Variants in STYX observed in about 807,000 individuals in gnomAD.
STYX encodes serine/threonine/tyrosine-interacting protein.
STYX carries 20 observed loss-of-function variants against 42.7 expected under a neutral mutation model. The observed-to-expected ratio is 0.47, with a 90% confidence interval of 0.33 to 0.68. STYX has a LOEUF of 0.68. STYX is among the 30% of genes least tolerant of loss of function. The pLI is 0.02. For missense variants in STYX, 226 were observed against 268.5 expected, an observed-to-expected ratio of 0.84 and a Z score of 1.11; for synonymous variants, 78 against 81.9, an observed-to-expected ratio of 0.95 and a Z score of 0.26.
At chr14:52,765,062 A>T (rs886849840) in intron 9 of STYX, among the ~76,000 whole-genome samples, 1 of 152,220 alleles carries the variant, frequency 6.6e-6, no homozygotes, top group African/African-American at 2.4e-5. Context: ...TAGTTCATGG[A>T]AACTATATTC....
At chr14:52,732,735 A>T (rs892761296) in intron 1 of STYX, among the ~76,000 whole-genome samples, 1 of 151,934 alleles carries the variant, frequency 6.6e-6, no homozygotes, top group Non-Finnish European at 1.5e-5. Flanking sequence ...CAGTGGCGTG[A>T]TCTCCGCTCA....
chr14:52,770,490 C>G (rs1189392575), intron 10 of STYX, among the ~76,000 whole-genome samples: 1 of 152,046 alleles, frequency 6.6e-6, no homozygotes, highest in Non-Finnish European at 1.5e-5. Context: ...GATTTCTGTA[C>G]TAGCAGATGC....
Position 52,752,882 on chromosome 14 carries a change from G to GT in STYX, c.242+2118dup, listed in dbSNP as rs1382888369. On this transcript the variant is annotated intron_variant, in intron 4 of 10. Coordinates refer to ENST00000354586, the MANE Select transcript of STYX (RefSeq NM_145251.4). ...AATTTTGTTTTTTTTTGTTGTTGTT[G>GT]TTTTTTTTTTTTTTTTGAGATGGAG... Among the ~76,000 whole-genome samples the GT allele has an allele frequency of 8.6e-3, 432 of 50,104 alleles. 1 individual carries two copies. The highest frequency in any genetic ancestry group is 0.03 in the South Asian group (34 of 1,130). The allele number at this position is 50,104 out of a possible 152,430, so 32.9% of individuals were successfully genotyped here. A position where few individuals can be genotyped will look rare whatever the true frequency, so the allele number is the denominator to read the frequency against.
intron 5 of STYX, 72 bp from the exon 6 acceptor site, chr14:52,757,247 A>G (rs920626683): frequency 6.6e-6 from 8 of 1,218,902 alleles, no homozygotes; most frequent in South Asian, 3.1e-5. Flanking sequence ...ATTGTTTTCA[A>G]TAGGTTTCAT....
intron 9 of STYX, among the ~76,000 whole-genome samples, chr14:52,767,197 A>G (rs1882336241): frequency 6.6e-6 from 1 of 152,232 alleles, no homozygotes; most frequent in Admixed American, 6.5e-5. Flanking sequence ...AGGTAGAGGA[A>G]TAAGTGTAAG....
At chr14:52,766,291 C>T (rs961265017) in intron 9 of STYX, among the ~76,000 whole-genome samples, 2 of 152,112 alleles carry the variant, frequency 1.3e-5, no homozygotes, top group Admixed American at 6.5e-5. Context: ...CTCAGTCTCC[C>T]AAGTTGCCAG....
intron 1 of STYX, among the ~76,000 whole-genome samples, chr14:52,736,877 G>T (rs1467930369): frequency 6.6e-6 from 1 of 152,282 alleles, no homozygotes; most frequent in African/African-American, 2.4e-5. Flanking sequence ...TTTTATTTGA[G>T]TGAAACATTT....
chr14:52,771,247 T>C lies in STYX; in HGVS notation c.*141T>C, dbSNP rs1189626819. ...CTTCCAGACATACTTCTCTGCAACT[T>C]GTTGAGCAACATTTTAAGATGTTGG... On this transcript the variant is annotated 3_prime_UTR_variant, in exon 11 of 11. Transcript: ENST00000354586. 4.5e-6 allele frequency: 3 copies of C among 668,214 alleles called. 1 individual carries two copies. In the East Asian group the frequency reaches 8.4e-5, roughly 19 times the overall value. The allele number at this position is 668,214 out of a possible 1,614,324, so 41.4% of individuals were successfully genotyped here.
chr14:52,746,631 C>A, intron 3 of STYX, 152 bp downstream of exon 3: 1 of 622,430 alleles, frequency 1.6e-6, no homozygotes, highest in Non-Finnish European at 2.7e-6. Context: ...TCCTCTTTCC[C>A]TATTTTACTA....
At chr14:52,739,704 C>T (rs1195687738) in intron 1 of STYX, among the ~76,000 whole-genome samples, 1 of 144,514 alleles carries the variant, frequency 6.9e-6, no homozygotes, top group South Asian at 2.2e-4. Flanking sequence ...TGCAATGGCA[C>T]CATGATGACT....
chr14:52,733,520 A>G (rs1242217333), intron 1 of STYX, among the ~76,000 whole-genome samples: 3 of 152,208 alleles, frequency 2.0e-5, no homozygotes, highest in Admixed American at 1.3e-4. Context: ...AATCACAAGT[A>G]GTAGGTTGTC....
intron 1 of STYX, among the ~76,000 whole-genome samples, chr14:52,736,509 C>T (rs1880956987): frequency 6.6e-6 from 1 of 152,286 alleles, no homozygotes; most frequent in Non-Finnish European, 1.5e-5. Flanking sequence ...TTTATCTTCT[C>T]TTCTGACAGA....
chr14:52,748,071 A>C (rs567903005), intron 3 of STYX, among the ~76,000 whole-genome samples: 25 of 152,338 alleles, frequency 1.6e-4, no homozygotes, highest in Admixed American at 1.2e-3. Context: ...TGGTCTTATT[A>C]GACAGGAAAA....
chr14:52,757,930 A>G lies in STYX; in HGVS notation c.431+6A>G, dbSNP rs1426374869. 1 of 1,610,782 alleles carries G rather than the reference A, an allele frequency of 6.2e-7. No homozygotes were observed. Among genetic ancestry groups the G allele is most frequent in the East Asian group, 2.2e-5 (1 of 44,768 alleles). On this transcript the variant is annotated splice_donor_region_variant and intron_variant, in intron 8 of 10. Coordinates refer to ENST00000354586, the MANE Select transcript of STYX (RefSeq NM_145251.4). ...ACATTTGGAATGAAGTACAGGTAAGAAAATACCCTAAAACCTAGCCACAGT... is the reference window on the plus strand; with the variant it reads ...ACATTTGGAATGAAGTACAGGTAAGGAAATACCCTAAAACCTAGCCACAGT...
In STYX at chr14:52,730,525, C is replaced by T. The variant is rs1304944185; in HGVS notation, c.51C>T (p.Asp17=). ...EFPSLPQCKE[D]AEEWTYPMRR... ...CTTCCCTTCCACAGTGCAAGGAAGA[C>T]GCCGAGGTGAGTCGCTCCCGTGGCT... Residue 17 remains aspartate (D), a synonymous_variant, in exon 1 of 11, where the codon GAC becomes GAT. Transcript: ENST00000354586. The T allele has an allele frequency of 6.2e-7, 1 of 1,613,322 alleles. No individual in the cohort carries two copies. The highest frequency in any genetic ancestry group is 1.3e-5 in the African/African-American group (1 of 74,906).
intron 1 of STYX, among the ~76,000 whole-genome samples, chr14:52,739,924 G>A (rs1421140257): frequency 6.6e-6 from 1 of 151,936 alleles, no homozygotes. Context: ...TTGCAGGTGT[G>A]AGCTACCATA....
chr14:52,752,252 A>T (rs553344743), intron 4 of STYX, among the ~76,000 whole-genome samples: 2 of 151,842 alleles, frequency 1.3e-5, no homozygotes, highest in Admixed American at 1.3e-4. Context: ...GTGGATCACG[A>T]GGTCGAGATT....
At chr14:52,763,365 T>C (rs1015486389) in intron 9 of STYX, among the ~76,000 whole-genome samples, 2 of 152,222 alleles carry the variant, frequency 1.3e-5, no homozygotes. Flanking sequence ...GTTGTTTTTC[T>C]GTATTCTAAT....
In STYX at chr14:52,730,191, G is replaced by C. The variant is rs1880627253; in HGVS notation, c.-284G>C. ...GGTTGTCGGGCTGGTTCCTGTGCTG[G>C]ATCCTGGGCGGCCTGAGGGGTACGG... On this transcript the variant is annotated 5_prime_UTR_variant, in exon 1 of 11. Transcript: ENST00000354586. The C allele has an allele frequency of 8.2e-6, 4 of 488,594 alleles. No homozygotes were observed. Among genetic ancestry groups the C allele is most frequent in the Non-Finnish European group, 1.1e-5 (3 of 273,756 alleles). The allele number at this position is 488,594 out of a possible 1,614,324, so 30.3% of individuals were successfully genotyped here.
Sources: allele counts gnomAD v4.1 joint callset (sites outside exome capture counted in the v4.1 genomes callset), GRCh38; gene constraint gnomAD v4.1.1; transcripts MANE v1.5; gene names NCBI Gene and HGNC (gene_info 2026-07-23, HGNC 2026-07-21).